Variants in SLC6A20 observed in about 807,000 individuals in gnomAD.
The protein encoded by SLC6A20 is sodium- and chloride-dependent transporter XTRP3.
SLC6A20 carries 73 observed loss-of-function variants against 64.3 expected under a neutral mutation model. The observed-to-expected ratio is 1.14, with a 90% CI of 0.94 to 1.38. The LOEUF (loss-of-function observed/expected upper bound fraction) is 1.38. SLC6A20 is among the 40% of genes most tolerant of loss of function. The probability of loss-of-function intolerance (pLI) is 0.00; values close to 1 mark genes in which losing one functional copy is unlikely to be tolerated. For synonymous variants in SLC6A20, 347 were observed against 329.6 expected (o/e 1.05, Z -0.57); for missense variants, 725 against 772.8 (o/e 0.94, Z 0.73).
rs1699714068 is a variant in SLC6A20, at chr3:45,763,075, G to A, written c.1304-3C>T. The A allele has an allele frequency of 6.2e-7, 1 of 1,613,738 alleles. No individual in the cohort carries two copies. Among genetic ancestry groups the A allele is most frequent in the African/African-American group, 1.3e-5 (1 of 74,906 alleles). The stretch of plus-strand genomic sequence containing the variant: ...ACAGTTGACAAGGCACACCAGACCT[G>A]GGGGCCACAAGACCAGCTGCTCACC... On this transcript the variant is annotated splice_polypyrimidine_tract_variant and splice_region_variant and intron_variant, in intron 8 of 10. Transcript: ENST00000358525.
chr3:45,769,790 T>C (rs1472889635), intron 7 of SLC6A20, among the ~76,000 whole-genome samples: 1 of 152,190 alleles, frequency 6.6e-6, no homozygotes, highest in African/African-American at 2.4e-5. Flanking sequence ...ATGAAGGTTC[T>C]TGCCTTTGGT....
chr3:45,794,102 G>A (rs922834551), intron 1 of SLC6A20, among the ~76,000 whole-genome samples: 1 of 152,344 alleles, frequency 6.6e-6, no homozygotes, highest in African/African-American at 2.4e-5. Context: ...GTAGTGAGGA[G>A]AGTCAGAGAG....
intron 1 of SLC6A20, chr3:45,791,498 A>C (rs1425809092): frequency 2.6e-5 from 4 of 152,256 alleles, no homozygotes; most frequent in Non-Finnish European, 5.9e-5. Flanking sequence ...CTCCCTACCA[A>C]GTGGGAGTGA....
rs759371575 is a variant in SLC6A20 at position 45,796,281 on chromosome 3, G to T, written c.121+18C>A. 2.5e-6 allele frequency: 4 copies of T among 1,589,518 alleles called. No homozygotes were observed. In the South Asian group the frequency reaches 4.5e-5, roughly 18 times the overall value. On this transcript the variant is annotated intron_variant, in intron 1 of 10. Transcript: ENST00000358525. ...GCGCACAGAGTTGGGCTGGGGCCGG[G>T]GCGCGGTGGGCACTCACCTCCGCCG...
chr3:45,763,076 G>C lies in SLC6A20; in HGVS notation c.1304-4C>G, dbSNP rs886058541. ...CAGTTGACAAGGCACACCAGACCTGGGGGCCACAAGACCAGCTGCTCACCT... is the reference window on the plus strand; with the variant it reads ...CAGTTGACAAGGCACACCAGACCTGCGGGCCACAAGACCAGCTGCTCACCT... On this transcript the variant is annotated splice_polypyrimidine_tract_variant and splice_region_variant and intron_variant, in intron 8 of 10. Transcript: ENST00000358525. The C allele has an allele frequency of 6.2e-7, 1 of 1,613,874 alleles. No homozygotes were observed. The highest frequency in any genetic ancestry group is 8.5e-7 in the Non-Finnish European group (1 of 1,179,968).
rs1207034005 is a variant in SLC6A20, at chr3:45,756,410, G to GATAAGAAGATTGAATCCA, written c.*2550_*2567dup. 6.6e-6 allele frequency: 1 copy of GATAAGAAGATTGAATCCA among 152,168 alleles called. No individual in the cohort carries two copies. The highest frequency in any genetic ancestry group is 6.5e-5 in the Admixed American group (1 of 15,282). The allele number at this position is 152,168 out of a possible 1,614,324, so 9.4% of individuals were successfully genotyped here. On this transcript the variant is annotated 3_prime_UTR_variant, in exon 11 of 11. Coordinates refer to ENST00000358525, the MANE Select transcript of SLC6A20 (RefSeq NM_020208.4). ...GTTTTTTGACATAAAAGAACCTTCT[G>GATAAGAAGATTGAATCCA]ATAAGAAGATTGAATCCACGGGGTA...
At chr3:45,768,814 A>C (rs1393548772) in intron 7 of SLC6A20, among the ~76,000 whole-genome samples, 1 of 152,100 alleles carries the variant, frequency 6.6e-6, no homozygotes, top group Non-Finnish European at 1.5e-5. Context: ...ACCTAGGAAC[A>C]CTCTCTAGGA....
At chr3:45,768,174 A>G (rs554769585) in intron 7 of SLC6A20, among the ~76,000 whole-genome samples, 3 of 152,350 alleles carry the variant, frequency 2.0e-5, no homozygotes, top group Admixed American at 6.5e-5. Context: ...AAAGTACTCT[A>G]AAGTCCTTTT....
chr3:45,768,684 A>C (rs1382323584), intron 7 of SLC6A20, among the ~76,000 whole-genome samples: 1 of 152,204 alleles, frequency 6.6e-6, no homozygotes, highest in Non-Finnish European at 1.5e-5. Context: ...TACCCATGAA[A>C]CAAAGTGCCA....
intron 1 of SLC6A20, among the ~76,000 whole-genome samples, chr3:45,789,209 CAAATTT>C (rs1700210784): frequency 2.0e-5 from 3 of 152,034 alleles, no homozygotes; most frequent in Admixed American, 6.5e-5. Context: ...ACTTTCCCCT[CAAATTT>C]AAATTAACTG....
At position 45,775,788 on chromosome 3, in the gene SLC6A20, G is replaced by A. The variant is rs1575430689; in HGVS notation, c.555C>T (p.Ile185=). 2.5e-6 allele frequency: 4 copies of A among 1,613,974 alleles called. No individual in the cohort carries two copies. The highest frequency in any genetic ancestry group is 3.4e-6 in the Non-Finnish European group (4 of 1,179,968). ...TGCCAGTGGACTCGGTGCCACGCAG[G>A]ATGCACAGGTACACCACCAGCCAGG... The part of the protein sequence containing the change: ...LLAWLVVYLC[I]LRGTESTGKV... The change falls in exon 4 of 11, where the codon ATC becomes ATT. Residue 185 remains isoleucine (I), a synonymous_variant. Coordinates refer to ENST00000358525, the MANE Select transcript of SLC6A20 (RefSeq NM_020208.4).
chr3:45,758,514 A>C lies in SLC6A20; in HGVS notation c.*464T>G. On this transcript the variant is annotated 3_prime_UTR_variant, in exon 11 of 11. Transcript: ENST00000358525. Reference sequence around the variant, plus strand: ...CATATTCACTACAACTCAAAAAAGAAGAGAATTAATTTTGCACCACTGACA... The same window carrying C: ...CATATTCACTACAACTCAAAAAAGACGAGAATTAATTTTGCACCACTGACA... 8.4e-7 allele frequency: 1 copy of C among 1,185,038 alleles called. No individual in the cohort carries two copies. The highest frequency in any genetic ancestry group is 1.1e-6 in the Non-Finnish European group (1 of 939,426). The allele number at this position is 1,185,038 out of a possible 1,614,324, so 73.4% of individuals were successfully genotyped here.
intron 5 of SLC6A20, 52 bp from the exon 6 acceptor site, chr3:45,771,510 G>A: frequency 6.2e-7 from 1 of 1,606,210 alleles, no homozygotes; most frequent in Non-Finnish European, 8.5e-7. Flanking sequence ...AATCCCAAAT[G>A]CTCAGACCCG....
At chr3:45,793,492 T>A (rs1309520218) in intron 1 of SLC6A20, among the ~76,000 whole-genome samples, 2 of 152,084 alleles carry the variant, frequency 1.3e-5, no homozygotes, top group Admixed American at 1.3e-4. Context: ...GCCTTTTATT[T>A]TTTATTTTTC....
At position 45,778,534 on chromosome 3, in the gene SLC6A20, A is replaced by G. The variant is rs931736218; in HGVS notation, c.354+1475T>C. Among the ~76,000 whole-genome samples, 14 of 152,362 alleles carry G rather than the reference A, an allele frequency of 9.2e-5. No individual in the cohort carries two copies. The East Asian group carries it at 2.7e-3, about 29-fold the overall frequency. ...GCCCCCATACTTCTGACTATTAGAA[A>G]AAGATGCCCCTTTCTTGAGGCACTT... On this transcript the variant is annotated intron_variant, in intron 3 of 10. Transcript: ENST00000358525.
chr3:45,789,297 T>C (rs969210802), intron 1 of SLC6A20, among the ~76,000 whole-genome samples: 2 of 152,210 alleles, frequency 1.3e-5, no homozygotes, highest in Admixed American at 6.5e-5. Flanking sequence ...TACTTCATAA[T>C]GTAAAAGATC....
intron 1 of SLC6A20, among the ~76,000 whole-genome samples, chr3:45,788,255 CAA>C (rs11294282): frequency 1.7e-3 from 223 of 134,508 alleles, no homozygotes; most frequent in East Asian, 3.2e-3. Context: ...ACCCTGTTTC[CAA>C]AAAAAAAAAA....
chr3:45,763,745 C>T (rs1193983296), intron 8 of SLC6A20, among the ~76,000 whole-genome samples: 1 of 152,190 alleles, frequency 6.6e-6, no homozygotes, highest in Non-Finnish European at 1.5e-5. Flanking sequence ...GCCCTTTAGC[C>T]TCCAGAACCT....
At chr3:45,778,679 T>C (rs949118941) in intron 3 of SLC6A20, among the ~76,000 whole-genome samples, 2 of 152,352 alleles carry the variant, frequency 1.3e-5, no homozygotes, top group African/African-American at 4.8e-5. Flanking sequence ...ACAATGTGTA[T>C]GGCAAGCCCT....
Sources: allele counts gnomAD v4.1 joint callset (sites outside exome capture counted in the v4.1 genomes callset), GRCh38; gene constraint gnomAD v4.1.1; transcripts MANE v1.5; gene names NCBI Gene and HGNC (gene_info 2026-07-23, HGNC 2026-07-21).